MCTP2: variants seen among roughly 807,000 people sequenced by gnomAD.
MCTP2 encodes the protein multiple C2 and transmembrane domain containing 2, also known as multiple C2 and transmembrane domain-containing protein 2.
In MCTP2, 132 loss-of-function variants were observed where a neutral mutation model predicts 111.6. That is an observed-to-expected ratio of 1.18 (90% CI 1.03 to 1.37). The LOEUF (loss-of-function observed/expected upper bound fraction) is 1.37, where lower values mean the gene tolerates loss of function less well. Among genes scored for constraint, MCTP2 ranks in the 40% most tolerant of loss-of-function variants. The probability of loss-of-function intolerance (pLI) is 0.00; values close to 1 mark genes in which losing one functional copy is unlikely to be tolerated. For missense variants in MCTP2, 1,183 were observed against 1,067.9 expected (o/e 1.11, Z -1.50); for synonymous variants, 395 against 387.7 (o/e 1.02, Z -0.22).
At chr15:94,467,526 G>A (rs1596828188) in intron 20 of MCTP2, among the ~76,000 whole-genome samples, 1 of 152,176 alleles carries the variant, frequency 6.6e-6, no homozygotes, top group Admixed American at 6.5e-5. Context: ...CCCGCGGGTT[G>A]GGGTTGGGGG....
chr15:94,385,582 T>C (rs766173981), intron 14 of MCTP2, 57 bp downstream of exon 14: 3 of 1,226,416 alleles, frequency 2.4e-6, no homozygotes, highest in African/African-American at 3.0e-5. Context: ...GATGAGTTTC[T>C]ATGGTCTAGA....
chr15:94,456,374 C>A (rs77201997), intron 19 of MCTP2, among the ~76,000 whole-genome samples: 1 of 152,176 alleles, frequency 6.6e-6, no homozygotes, highest in East Asian at 1.9e-4. Flanking sequence ...AATCGAATGA[C>A]ATGGAAACTT....
intron 17 of MCTP2, among the ~76,000 whole-genome samples, chr15:94,423,901 G>A (rs1264713934): frequency 1.3e-5 from 2 of 152,206 alleles, no homozygotes; most frequent in Non-Finnish European, 2.9e-5. Flanking sequence ...AAAGAATGAT[G>A]ATAAGGTGAA....
chr15:94,363,096 G>C (rs1216828993), intron 10 of MCTP2, among the ~76,000 whole-genome samples: 2 of 152,182 alleles, frequency 1.3e-5, no homozygotes, highest in Admixed American at 6.5e-5. Flanking sequence ...GATTTAGTTA[G>C]TTCAAGAAAA....
intron 20 of MCTP2, among the ~76,000 whole-genome samples, chr15:94,467,450 AAAGTC>A (rs1267462898): frequency 2.4e-4 from 36 of 152,030 alleles, no homozygotes; most frequent in Non-Finnish European, 7.3e-5. Context: ...AATGGAATAT[AAAGTC>A]TTTATTTTAT....
chr15:94,401,841 T>G (rs1453373860), intron 16 of MCTP2, 59 bp from the exon 17 acceptor site: 1 of 1,378,710 alleles, frequency 7.3e-7, no homozygotes, highest in African/African-American at 1.4e-5. Context: ...GTACCTGATC[T>G]AGATGGAATA....
intron 1 of MCTP2, among the ~76,000 whole-genome samples, chr15:94,234,486 G>C (rs2070403359): frequency 6.6e-6 from 1 of 152,164 alleles, no homozygotes; most frequent in Non-Finnish European, 1.5e-5. Flanking sequence ...CCCACGGGGG[G>C]CCCTGCTAGT....
chr15:94,364,527 C>T (rs1048229618), intron 10 of MCTP2, among the ~76,000 whole-genome samples: 2 of 151,890 alleles, frequency 1.3e-5, no homozygotes, highest in African/African-American at 4.8e-5. Context: ...TGAGATTTTT[C>T]GTGTTAAAGG....
intron 8 of MCTP2, among the ~76,000 whole-genome samples, chr15:94,350,513 T>A (rs1207208520): frequency 6.6e-6 from 1 of 152,200 alleles, no homozygotes; most frequent in African/African-American, 2.4e-5. Context: ...GATGTCGCAG[T>A]GAGCTGAGAT....
chr15:94,292,310 G>C (rs1473403434), intron 1 of MCTP2, among the ~76,000 whole-genome samples: 1 of 151,878 alleles, frequency 6.6e-6, no homozygotes, highest in Non-Finnish European at 1.5e-5. Flanking sequence ...AGTCCAATAA[G>C]GCAAGAAAAA....
Position 94,298,748 on chromosome 15 carries a change from C to A in MCTP2, c.465+18C>A. 1 of 1,512,846 alleles carries A rather than the reference C, an allele frequency of 6.6e-7. No homozygotes were observed. The allele number at this position is 1,512,846 out of a possible 1,614,324, so 93.7% of individuals were successfully genotyped here. A position where few individuals can be genotyped will look rare whatever the true frequency, so the allele number is the denominator to read the frequency against. Reference sequence around the variant, plus strand: ...AGCCAGAGGTGAGAATAGGGCTGGGCTCTCTTTTTTTTTGTCTCTCTCTCT... The same window carrying A: ...AGCCAGAGGTGAGAATAGGGCTGGGATCTCTTTTTTTTTGTCTCTCTCTCT... On this transcript the variant is annotated intron_variant, in intron 2 of 22. Coordinates refer to ENST00000357742, the MANE Select transcript of MCTP2 (RefSeq NM_001385001.1).
intron 4 of MCTP2, among the ~76,000 whole-genome samples, chr15:94,327,403 A>G (rs536353829): frequency 6.6e-6 from 1 of 152,342 alleles, no homozygotes; most frequent in African/African-American, 2.4e-5. Flanking sequence ...GCCTGCTTCA[A>G]CAATTTCTCT....
At chr15:94,301,177 A>C (rs921844) in intron 2 of MCTP2, among the ~76,000 whole-genome samples, 18,167 of 152,156 alleles carry the variant, frequency 0.12, 1,330 homozygotes, top group East Asian at 0.26. Context: ...AAAGACCAAG[A>C]CTGATTCTAC....
intron 2 of MCTP2, among the ~76,000 whole-genome samples, chr15:94,311,862 AGT>A (rs2152357180): frequency 6.6e-6 from 1 of 152,332 alleles, no homozygotes; most frequent in South Asian, 2.1e-4. Context: ...ATCATCATTC[AGT>A]ACAGTGAGGA....
At chr15:94,377,955 A>T (rs1399293638) in intron 12 of MCTP2, among the ~76,000 whole-genome samples, 1 of 152,132 alleles carries the variant, frequency 6.6e-6, no homozygotes, top group Non-Finnish European at 1.5e-5. Context: ...CAGGACGAGA[A>T]GACAGAAAGC....
intron 16 of MCTP2, among the ~76,000 whole-genome samples, chr15:94,401,469 A>C (rs1298415342): frequency 6.6e-6 from 1 of 152,142 alleles, no homozygotes; most frequent in East Asian, 1.9e-4. Context: ...AAATCTATTC[A>C]TTTGCTTCCA....
At chr15:94,297,828 C>G (rs576317718) in intron 1 of MCTP2, among the ~76,000 whole-genome samples, 1 of 152,288 alleles carries the variant, frequency 6.6e-6, no homozygotes, top group Non-Finnish European at 1.5e-5. Context: ...GTCCCCACCC[C>G]TTGATCATAC....
intron 17 of MCTP2, among the ~76,000 whole-genome samples, chr15:94,421,817 T>C (rs2082642477): frequency 6.6e-6 from 1 of 152,194 alleles, no homozygotes; most frequent in South Asian, 2.1e-4. Context: ...TTAACTCTCT[T>C]TGTCCCATAA....
At chr15:94,473,469 CATT>C (rs1286402581) in intron 21 of MCTP2, among the ~76,000 whole-genome samples, 7 of 152,198 alleles carry the variant, frequency 4.6e-5, no homozygotes, top group Admixed American at 3.9e-4. Context: ...CTTTAGGAAA[CATT>C]ATCTACTGCA....
Sources: gnomAD v4.1 joint callset for allele counts (sites outside exome capture counted in the v4.1 genomes callset) on GRCh38, gnomAD v4.1.1 for gene constraint, MANE v1.5 for transcripts, NCBI Gene and HGNC (gene_info 2026-07-23, HGNC 2026-07-21) for gene names.